Variants in YEATS2 observed in about 807,000 individuals in gnomAD.
YEATS2 encodes YEATS domain-containing protein 2.
In YEATS2, 77 loss-of-function variants were observed where a neutral mutation model predicts 163.2. That is an observed-to-expected ratio of 0.47 (90% CI 0.39 to 0.57). The LOEUF (loss-of-function observed/expected upper bound fraction) is 0.57. Ranked by LOEUF, YEATS2 falls within the 20% of genes least tolerant of loss-of-function variation. The pLI is 0.00. For missense variants in YEATS2, 1,549 were observed against 1,729.8 expected (o/e 0.90, Z 1.85); for synonymous variants, 631 against 645.1 (o/e 0.98, Z 0.33).
chr3:183,808,474 C>T (rs1726453175), intron 29 of YEATS2, among the ~76,000 whole-genome samples: 1 of 152,200 alleles, frequency 6.6e-6, no homozygotes, highest in South Asian at 2.1e-4. Flanking sequence ...CAGCCTCCTT[C>T]CCCAGCCTGA....
At chr3:183,762,383 C>A in intron 15 of YEATS2, 104 bp downstream of exon 15, 1 of 1,373,176 alleles carries the variant, frequency 7.3e-7, no homozygotes, top group Non-Finnish European at 9.7e-7. Context: ...TTGATGATCC[C>A]ATAAGAACCT....
chr3:183,709,436 G>T (rs1020511606), intron 1 of YEATS2, among the ~76,000 whole-genome samples: 1 of 149,458 alleles, frequency 6.7e-6, no homozygotes, highest in Admixed American at 6.7e-5. Context: ...ACAGGTTCAG[G>T]AGATTCTCGT....
At position 183,800,518 on chromosome 3, in the gene YEATS2, G is replaced by C; in HGVS notation, c.3378G>C (p.Gln1126His). The change falls in exon 24 of 31, where the codon CAG becomes CAC. Residue 1126 changes from glutamine to histidine, a missense_variant. Physicochemically the swap from Gln to His is conservative, Grantham distance 24. Transcript: ENST00000305135. ...CGAGTTGCCTCTCTCAGGAGGGTCA[G>C]ACAGCAGTGAAAACAGAAGAAAGTT... The part of the protein sequence containing the change: ...PGPSCLSQEG[Q>H]TAVKTEESSE... 1.2e-6 allele frequency: 2 copies of C among 1,614,190 alleles called. No individual in the cohort carries two copies. Among genetic ancestry groups the C allele is most frequent in the Non-Finnish European group, 1.7e-6 (2 of 1,180,008 alleles).
At chr3:183,709,535 A>G (rs974241463) in intron 1 of YEATS2, among the ~76,000 whole-genome samples, 19 of 152,018 alleles carry the variant, frequency 1.2e-4, no homozygotes, top group African/African-American at 4.6e-4. Context: ...GGGTTTCACC[A>G]TGTTGGCCAG....
At position 183,754,825 on chromosome 3, in the gene YEATS2, C is replaced by T. The variant is rs546621726; in HGVS notation, c.1390+460C>T. ...CTAGAAAATTATTCATTCCTATTGT[C>T]AGTAGGTAGTTCTGAGTTGTCTTGT... On this transcript the variant is annotated intron_variant, in intron 11 of 30. Coordinates refer to ENST00000305135, the MANE Select transcript of YEATS2 (RefSeq NM_018023.5). 3.2e-4 allele frequency among the ~76,000 whole-genome samples: 49 copies of T among 152,268 alleles called. 1 individual carries two copies. The highest frequency in any genetic ancestry group is 2.4e-3 in the Admixed American group (37 of 15,282).
chr3:183,745,084 C>A (rs1277757261), intron 8 of YEATS2, among the ~76,000 whole-genome samples: 1 of 152,012 alleles, frequency 6.6e-6, no homozygotes, highest in East Asian at 1.9e-4. Flanking sequence ...TCTTGGCCTC[C>A]AGTGATCCAT....
At position 183,790,931 on chromosome 3, in the gene YEATS2, G is replaced by T; in HGVS notation, c.3048G>T (p.Thr1016=). 6.2e-7 allele frequency: 1 copy of T among 1,614,116 alleles called. No homozygotes were observed. Among genetic ancestry groups the T allele is most frequent in the Non-Finnish European group, 8.5e-7 (1 of 1,180,022 alleles). Residue 1016 remains threonine (T), a synonymous_variant, in exon 21 of 31, where the codon ACG becomes ACT. Transcript: ENST00000305135. ...KAATPTVVSA[T]SLVPTPNPIS... Reference sequence around the variant, plus strand: ...CCACCCCCACCGTCGTCAGCGCCACGTCCCTCGTGCCTACACCAAACCCCA... The same window carrying T: ...CCACCCCCACCGTCGTCAGCGCCACTTCCCTCGTGCCTACACCAAACCCCA...
chr3:183,715,670 A>G (rs1349749282), intron 2 of YEATS2, among the ~76,000 whole-genome samples: 1 of 152,222 alleles, frequency 6.6e-6, no homozygotes, highest in Non-Finnish European at 1.5e-5. Flanking sequence ...GTAGTTCCAT[A>G]GCTACAAGGA....
At chr3:183,745,251 C>T (rs1284336933) in intron 8 of YEATS2, among the ~76,000 whole-genome samples, 2 of 152,236 alleles carry the variant, frequency 1.3e-5, no homozygotes, top group Admixed American at 1.3e-4. Context: ...AGTATCTGAT[C>T]AGTCTGCTTA....
At chr3:183,785,933 A>ATATT (rs1384024804) in intron 19 of YEATS2, among the ~76,000 whole-genome samples, 192 bp from the exon 20 acceptor site, 3 of 152,228 alleles carry the variant, frequency 2.0e-5, no homozygotes, top group Admixed American at 1.3e-4. Context: ...GGGTAAAGGG[A>ATATT]TATTTATAGG....
At chr3:183,755,999 G>A (rs915849888) in intron 11 of YEATS2, among the ~76,000 whole-genome samples, 2 of 151,942 alleles carry the variant, frequency 1.3e-5, no homozygotes, top group African/African-American at 4.8e-5. Flanking sequence ...GCCTGCCTCG[G>A]CCTCCCAAAG....
chr3:183,724,617 CAG>C (rs1716876866), intron 6 of YEATS2, 86 bp downstream of exon 6: 7 of 912,080 alleles, frequency 7.7e-6, no homozygotes, highest in Admixed American at 5.8e-5. Context: ...CAGTAGGAAG[CAG>C]CCTCAGGGAT....
intron 8 of YEATS2, among the ~76,000 whole-genome samples, chr3:183,745,323 G>A (rs974704496): frequency 1.2e-4 from 18 of 152,144 alleles, no homozygotes; most frequent in African/African-American, 4.1e-4. Flanking sequence ...GTTAAAGTGC[G>A]AATGCCCCCA....
At chr3:183,776,252 TC>T (rs1400967240) in intron 18 of YEATS2, 129 bp downstream of exon 18, 19 of 994,774 alleles carry the variant, frequency 1.9e-5, no homozygotes, top group Non-Finnish European at 2.3e-5. Context: ...GTTATCTATA[TC>T]TATATCTTGG....
chr3:183,772,285 C>G lies in YEATS2; in HGVS notation c.1948-20C>G. On this transcript the variant is annotated intron_variant, in intron 15 of 30. Coordinates refer to ENST00000305135, the MANE Select transcript of YEATS2 (RefSeq NM_018023.5). ...TAAGAGCTCTCGAAGCACCGTTGGA[C>G]TCTGCTCTGTTTTGAACAGGTTGTC... 1 of 1,612,738 alleles carries G rather than the reference C, an allele frequency of 6.2e-7. No individual in the cohort carries two copies.
intron 7 of YEATS2, among the ~76,000 whole-genome samples, chr3:183,734,088 A>G (rs1282339315): frequency 6.6e-6 from 1 of 152,186 alleles, no homozygotes; most frequent in Non-Finnish European, 1.5e-5. Flanking sequence ...GCATTGTCCA[A>G]TAGAAATATA....
At chr3:183,698,268 A>C (rs1025079080) in intron 1 of YEATS2, among the ~76,000 whole-genome samples, 2 of 152,188 alleles carry the variant, frequency 1.3e-5, no homozygotes, top group Non-Finnish European at 2.9e-5. Flanking sequence ...CGGGACCCCG[A>C]GCCACAGCGG....
chr3:183,700,619 G>A (rs1316488045), intron 1 of YEATS2, among the ~76,000 whole-genome samples: 7 of 118,198 alleles, frequency 5.9e-5, no homozygotes, highest in African/African-American at 2.3e-4. Flanking sequence ...TTTTTTTTGA[G>A]ACAGAATCAC....
intron 21 of YEATS2, among the ~76,000 whole-genome samples, chr3:183,795,989 T>G (rs1577210631): frequency 1.3e-5 from 2 of 148,708 alleles, no homozygotes; most frequent in East Asian, 2.0e-4. Context: ...GGTTTTTTTT[T>G]TTTTTTTTTT....
Sources: gnomAD v4.1 joint callset for allele counts (sites outside exome capture counted in the v4.1 genomes callset) on GRCh38, gnomAD v4.1.1 for gene constraint, MANE v1.5 for transcripts, NCBI Gene and HGNC (gene_info 2026-07-23, HGNC 2026-07-21) for gene names.